Variants in CATSPERT observed in about 807,000 individuals in gnomAD.
CATSPERT encodes cation channel sperm-associated targeting subunit tau.
chr2:201,523,156 G>A, the CATSPERT span, among the ~76,000 whole-genome samples: 5 of 152,308 alleles, frequency 3.3e-5, no homozygotes, highest in African/African-American at 9.6e-5. Context: ...GGACCTTGCC[G>A]CTGCCATCAT....
the CATSPERT span, among the ~76,000 whole-genome samples, chr2:201,576,574 C>T: frequency 6.6e-6 from 1 of 152,112 alleles, no homozygotes; most frequent in Non-Finnish European, 1.5e-5. Flanking sequence ...TTAAATGTTA[C>T]TTTGTTGTGG....
the CATSPERT span, among the ~76,000 whole-genome samples, chr2:201,607,401 C>T: frequency 1.3e-5 from 2 of 152,138 alleles, no homozygotes; most frequent in Non-Finnish European, 2.9e-5. Context: ...CCTGTAATCA[C>T]AGCAATTTGG....
chr2:201,618,567 G>T, the CATSPERT span, among the ~76,000 whole-genome samples: 1 of 138,948 alleles, frequency 7.2e-6, no homozygotes, highest in African/African-American at 2.7e-5. Context: ...CGTGGGTTGG[G>T]GGGAGGGAGG....
chr2:201,603,249 C>G, the CATSPERT span: 152 of 1,611,286 alleles, frequency 9.4e-5, no homozygotes, highest in East Asian at 3.2e-3. Context: ...GTCTGCAGTT[C>G]TTTATATGAA....
the CATSPERT span, among the ~76,000 whole-genome samples, chr2:201,604,019 A>C: frequency 2.2e-3 from 330 of 152,256 alleles, 1 homozygote; most frequent in African/African-American, 7.6e-3. Flanking sequence ...TGAATGTCAT[A>C]ATATTTGACA....
At chr2:201,547,533 A>C in the CATSPERT span, 6 of 1,555,412 alleles carry the variant, frequency 3.9e-6, no homozygotes, top group Non-Finnish European at 5.3e-6. Flanking sequence ...CAATTTTGGC[A>C]TTAGAATGCT....
At chr2:201,522,560 T>C in the CATSPERT span, among the ~76,000 whole-genome samples, 1 of 152,068 alleles carries the variant, frequency 6.6e-6, no homozygotes, top group Admixed American at 6.6e-5. Context: ...CCAAGCAGCT[T>C]CTAAGGAAAG....
At chr2:201,579,945 G>C in the CATSPERT span, among the ~76,000 whole-genome samples, 1 of 150,226 alleles carries the variant, frequency 6.7e-6, no homozygotes, top group East Asian at 2.0e-4. Context: ...TCGAACTCCT[G>C]GGCTCAATCG....
At chr2:201,517,280 A>C in the CATSPERT span, among the ~76,000 whole-genome samples, 1 of 152,150 alleles carries the variant, frequency 6.6e-6, no homozygotes, top group African/African-American at 2.4e-5. Context: ...ACAGTCATTA[A>C]CAGGCAAGAC....
chr2:201,506,964 A>G, the CATSPERT span, among the ~76,000 whole-genome samples: 1 of 152,246 alleles, frequency 6.6e-6, no homozygotes, highest in East Asian at 1.9e-4. Context: ...CACTAATAGA[A>G]TATTCATCAG....
the CATSPERT span, among the ~76,000 whole-genome samples, chr2:201,569,382 T>C: frequency 6.6e-6 from 1 of 152,200 alleles, no homozygotes; most frequent in Non-Finnish European, 1.5e-5. Flanking sequence ...TAGGAACACA[T>C]GATCAGACAG....
the CATSPERT span, chr2:201,575,291 A>T: frequency 1.9e-6 from 3 of 1,592,158 alleles, no homozygotes; most frequent in Non-Finnish European, 2.6e-6. Flanking sequence ...CTATGTTTCC[A>T]TGCAACACTT....
chr2:201,493,589 C>G, the CATSPERT span: 13 of 1,537,036 alleles, frequency 8.5e-6, no homozygotes, highest in Non-Finnish European at 1.1e-5. Context: ...TGTGGCAATT[C>G]TATTTCATCA....
chr2:201,528,290 G>A, the CATSPERT span, among the ~76,000 whole-genome samples: 1 of 152,124 alleles, frequency 6.6e-6, no homozygotes, highest in Non-Finnish European at 1.5e-5. Flanking sequence ...TGGAGAAAAG[G>A]GAACACTTAT....
chr2:201,555,721 C>T, the CATSPERT span: 1 of 152,130 alleles, frequency 6.6e-6, no homozygotes, highest in African/African-American at 2.4e-5. Context: ...TCAAGGACTG[C>T]AGACATTACT....
At chr2:201,570,043 G>A in the CATSPERT span, among the ~76,000 whole-genome samples, 12 of 152,096 alleles carry the variant, frequency 7.9e-5, no homozygotes, top group South Asian at 4.2e-4. Flanking sequence ...TTAGCCAAAC[G>A]TGGTAACAAA....
At chr2:201,549,591 T>C in the CATSPERT span, 3 of 152,174 alleles carry the variant, frequency 2.0e-5, no homozygotes, top group Non-Finnish European at 4.4e-5. Context: ...GTTACATAAC[T>C]TTGTCAAAGT....
the CATSPERT span, among the ~76,000 whole-genome samples, chr2:201,585,537 A>G: frequency 4.6e-5 from 7 of 152,236 alleles, no homozygotes; most frequent in East Asian, 1.2e-3. Flanking sequence ...GAGCTGTAAG[A>G]AAAGTTAAAG....
chr2:201,584,550 C>T, the CATSPERT span, among the ~76,000 whole-genome samples: 1 of 151,822 alleles, frequency 6.6e-6, no homozygotes, highest in Admixed American at 6.6e-5. Context: ...TTTGGGAGGC[C>T]GAGGTGGGTG....
Sources: gnomAD v4.1 joint callset for allele counts (sites outside exome capture counted in the v4.1 genomes callset) on GRCh38, gnomAD v4.1.1 for gene constraint, MANE v1.5 for transcripts, NCBI Gene and HGNC (gene_info 2026-07-23, HGNC 2026-07-21) for gene names.